CREBBP: variants seen among roughly 807,000 people sequenced by gnomAD.
CREBBP encodes CREB-binding protein.
A neutral mutation model predicts 265.0 loss-of-function variants in CREBBP; 19 were observed. The observed-to-expected ratio is 0.07, with a 90% CI of 0.05 to 0.11. The LOEUF (loss-of-function observed/expected upper bound fraction) is 0.11, where lower values mean the gene tolerates loss of function less well. Ranked by LOEUF, CREBBP falls within the 10% of genes least tolerant of loss-of-function variation. The pLI, the probability that CREBBP is intolerant of heterozygous loss-of-function variation, is 1.00. For synonymous variants in CREBBP, 1,457 were observed against 1,223.7 expected (o/e 1.19, Z -3.98); for missense variants, 2,525 against 3,219.0 (o/e 0.78, Z 5.22).
intron 1 of CREBBP, among the ~76,000 whole-genome samples, chr16:3,878,209 A>AC (rs1437562514): frequency 6.6e-6 from 1 of 152,254 alleles, no homozygotes; most frequent in African/African-American, 2.4e-5. Flanking sequence ...GCCACGTATG[A>AC]CCTACGTCTC....
At chr16:3,775,147 G>A (rs1357095980) in intron 11 of CREBBP, among the ~76,000 whole-genome samples, 1 of 152,168 alleles carries the variant, frequency 6.6e-6, no homozygotes, top group Non-Finnish European at 1.5e-5. Context: ...AATGCCTCTG[G>A]AGCAGCTGAC....
chr16:3,823,296 A>C (rs2054175540), intron 2 of CREBBP, among the ~76,000 whole-genome samples: 1 of 152,220 alleles, frequency 6.6e-6, no homozygotes, highest in African/African-American at 2.4e-5. Context: ...TAGGCTGCAC[A>C]ACTCTACTTA....
rs2051899819 is a variant in CREBBP at position 3,731,016 on chromosome 16, GT to G, written c.5172+175del. Among the ~76,000 whole-genome samples, 1 of 152,232 alleles carries G rather than the reference GT, an allele frequency of 6.6e-6. No individual in the cohort carries two copies. Among genetic ancestry groups the G allele is most frequent in the Non-Finnish European group, 1.5e-5 (1 of 68,040 alleles). On this transcript the variant is annotated intron_variant, in intron 30 of 30. Transcript: ENST00000262367. This position sits in a 1 kb window ranked among gnomAD's most constrained non-coding sequence, Gnocchi z 7.7. ...CTGTGGCTGTGGCTACACAGAGCAG[GT>G]TTAGGAAACACACACACAGCAACGC... is the stretch of plus-strand genomic sequence containing the variant.
intron 2 of CREBBP, among the ~76,000 whole-genome samples, chr16:3,844,410 TCA>T (rs1276136551): frequency 6.6e-6 from 1 of 152,000 alleles, no homozygotes; most frequent in African/African-American, 2.4e-5. Context: ...AAGTGAAAAA[TCA>T]CAGGTTAATC....
chr16:3,862,609 T>TC (rs1383438605), intron 1 of CREBBP, among the ~76,000 whole-genome samples: 1 of 152,222 alleles, frequency 6.6e-6, no homozygotes, highest in Non-Finnish European at 1.5e-5. Flanking sequence ...ACAACGACCT[T>TC]CCCCAAGAAG....
intron 18 of CREBBP, 110 bp downstream of exon 18, chr16:3,757,699 G>C (rs546551553): frequency 6.8e-7 from 1 of 1,466,064 alleles, no homozygotes; most frequent in East Asian, 2.3e-5. Flanking sequence ...CCAGACAGCA[G>C]ATTGCACATA....
chr16:3,821,468 C>T (rs1567339265), intron 2 of CREBBP, among the ~76,000 whole-genome samples: 1 of 152,204 alleles, frequency 6.6e-6, no homozygotes, highest in African/African-American at 2.4e-5. Flanking sequence ...CATAGCCCCG[C>T]ACCCTGGACA....
intron 6 of CREBBP, 89 bp downstream of exon 6, chr16:3,782,595 C>G (rs1310903847): frequency 1.3e-6 from 2 of 1,529,898 alleles, no homozygotes; most frequent in Non-Finnish European, 1.8e-6. Context: ...AAACACAAAA[C>G]AAACTGAAAA....
Position 3,879,816 on chromosome 16 carries a change from C to T in CREBBP, c.85+16G>A, listed in dbSNP as rs1295381845. On this transcript the variant is annotated intron_variant, in intron 1 of 30. Transcript: ENST00000262367. ...AGCGCGCCCCGGGCCCCCGCCGCCC[C>T]GGACCCCCTCCTCACCTGTGCTGTC... 11 of 1,582,892 alleles carry T rather than the reference C, an allele frequency of 6.9e-6. No homozygotes were observed. Among genetic ancestry groups the T allele is most frequent in the Non-Finnish European group, 9.5e-6 (11 of 1,163,656 alleles).
chr16:3,818,267 C>G (rs1399924455), intron 2 of CREBBP, among the ~76,000 whole-genome samples: 1 of 150,900 alleles, frequency 6.6e-6, no homozygotes, highest in Non-Finnish European at 1.5e-5. Flanking sequence ...ACTCTCAGTG[C>G]AACAAGTGCC....
intron 2 of CREBBP, among the ~76,000 whole-genome samples, chr16:3,837,998 C>T (rs559695439): frequency 3.9e-5 from 6 of 152,082 alleles, no homozygotes; most frequent in Non-Finnish European, 8.8e-5. Flanking sequence ...GTTTTACACA[C>T]ACACCCGCCC....
chr16:3,750,689 T>C (rs369963406), intron 20 of CREBBP, among the ~76,000 whole-genome samples: 1 of 152,212 alleles, frequency 6.6e-6, no homozygotes, highest in Non-Finnish European at 1.5e-5. Flanking sequence ...AACAAAGTCA[T>C]AGCTGTCCAC....
Position 3,726,293 on chromosome 16 carries a change from G to C in CREBBP, c.*1425C>G. On this transcript the variant is annotated 3_prime_UTR_variant, in exon 31 of 31. Transcript: ENST00000262367. Reference sequence around the variant, plus strand: ...AGAAGCGCCGCCTCTGGGGGTGGCAGCTACGACGGACAGGGAGGATGGAGG... The same window carrying C: ...AGAAGCGCCGCCTCTGGGGGTGGCACCTACGACGGACAGGGAGGATGGAGG... 1 of 233,312 alleles carries C rather than the reference G, an allele frequency of 4.3e-6. No homozygotes were observed. Among genetic ancestry groups the C allele is most frequent in the Non-Finnish European group, 8.5e-6 (1 of 118,090 alleles). 14.5% of individuals were successfully genotyped at this position (233,312 alleles called of 1,614,324 possible).
At chr16:3,810,899 A>G in intron 2 of CREBBP, 120 bp from the exon 3 acceptor site, 1 of 1,022,734 alleles carries the variant, frequency 9.8e-7, no homozygotes, top group East Asian at 2.5e-5. Flanking sequence ...TTCAAGGTTC[A>G]TTATCAGGTT....
At position 3,850,664 on chromosome 16, in the gene CREBBP, G is replaced by A. The variant is rs1265580155; in HGVS notation, c.431C>T (p.Thr144Ile). 13 of 1,614,202 alleles carry A rather than the reference G, an allele frequency of 8.1e-6. No individual in the cohort carries two copies. Among genetic ancestry groups the A allele is most frequent in the Non-Finnish European group, 1.0e-5 (12 of 1,180,050 alleles). Reference sequence around the variant, plus strand: ...ATTCAGTGCTTGGGAGGCAGCGGGGGTGGGCCCAGAGGTGCTGGCTGCCTG... The same window carrying A: ...ATTCAGTGCTTGGGAGGCAGCGGGGATGGGCCCAGAGGTGCTGGCTGCCTG... Reference protein sequence around the residue: ...PKQAASTSGPTPAASQALNPQ... With the variant: ...PKQAASTSGPIPAASQALNPQ... Residue 144 changes from threonine (T) to isoleucine (I), a missense_variant, in exon 2 of 31, where the codon ACC becomes ATC. Transcript: ENST00000262367.
chr16:3,785,939 C>A (rs192213664), intron 5 of CREBBP, among the ~76,000 whole-genome samples: 1 of 152,200 alleles, frequency 6.6e-6, no homozygotes, highest in Non-Finnish European at 1.5e-5. Context: ...CTAGTCTCAC[C>A]ACCCCTTCTG....
intron 21 of CREBBP, among the ~76,000 whole-genome samples, chr16:3,748,882 A>T (rs974561260): frequency 6.6e-6 from 1 of 152,222 alleles, no homozygotes; most frequent in African/African-American, 2.4e-5. Flanking sequence ...GCGGTGGCTC[A>T]CGCCTGGAAT....
chr16:3,852,329 C>T (rs111422844), intron 1 of CREBBP, among the ~76,000 whole-genome samples: 1 of 150,816 alleles, frequency 6.6e-6, no homozygotes, highest in African/African-American at 2.4e-5. Flanking sequence ...CCACCATGCC[C>T]GGCTAATTTT....
chr16:3,767,720 T>G lies in CREBBP; in HGVS notation c.3250A>C (p.Ile1084Leu). The change falls in exon 16 of 31, where the codon ATC becomes CTC. Residue 1084 changes from isoleucine to leucine, a missense_variant and splice_region_variant. This residue lies in a region of CREBBP where 548 missense variants were observed against 533.0 expected (regional missense o/e 1.03). Transcript: ENST00000262367. ...STSPSQPRKK[I>L]FKPEELRQAL... ...ATAAGGTAATGAATAAATGGCCTACTTTTTTTGCGCGGCTGCGAAGGAGAT... is the reference window on the plus strand; with the variant it reads ...ATAAGGTAATGAATAAATGGCCTACGTTTTTTGCGCGGCTGCGAAGGAGAT... The G allele has an allele frequency of 6.2e-7, 1 of 1,614,172 alleles. No individual in the cohort carries two copies.
Sources: gnomAD v4.1 joint callset for allele counts (sites outside exome capture counted in the v4.1 genomes callset) on GRCh38, gnomAD v4.1.1 for gene constraint, gnomAD v4.1.1 regional missense constraint, Gnocchi (gnomAD v3.1) non-coding constraint, MANE v1.5 for transcripts, NCBI Gene and HGNC (gene_info 2026-07-23, HGNC 2026-07-21) for gene names.